The following MAP3K7CL variants were observed in gnomAD, a reference collection of about 807,000 sequenced individuals.
MAP3K7CL encodes MAP3K7 C-terminal like, also known as MAP3K7 C-terminal-like protein.
MAP3K7CL carries 16 observed loss-of-function variants against 18.6 expected under a neutral mutation model. That is an observed-to-expected ratio of 0.86 (90% CI 0.58 to 1.31). The LOEUF is 1.31. MAP3K7CL is among the 50% of genes most tolerant of loss of function. The pLI is 0.00. For synonymous variants in MAP3K7CL, 65 were observed against 66.8 expected (o/e 0.97, Z 0.13); for missense variants, 163 against 174.4 (o/e 0.93, Z 0.37).
In MAP3K7CL at chr21:29,078,198, T is replaced by A. The variant is rs541290310; in HGVS notation, c.-49+485T>A. ...TTGTTTATTTCATGTTACTATATCA[T>A]CTTATGTTTCAGTATTTTTCTGTTG... On this transcript the variant is annotated intron_variant, in intron 1 of 7. Coordinates refer to the MAP3K7CL transcript ENST00000341618. Among the ~76,000 whole-genome samples, 3 of 152,310 alleles carry A rather than the reference T, an allele frequency of 2.0e-5. No individual in the cohort carries two copies. The South Asian group carries it at 6.2e-4, about 32-fold the overall frequency.
At chr21:29,105,713 G>A (rs1051871695) in intron 4 of MAP3K7CL, among the ~76,000 whole-genome samples, 1 of 152,150 alleles carries the variant, frequency 6.6e-6, no homozygotes, top group Admixed American at 6.5e-5. Flanking sequence ...GAAGCTCTGT[G>A]TGGAAGGGGC....
rs1257471584 is a variant in MAP3K7CL at position 29,170,986 on chromosome 21, A to G, written c.249-3726A>G. ...ATATAGGCTTTACTCATTAATGTTTAAAAATAATTACATGAGGAATTTTAC... is the reference window on the plus strand; with the variant it reads ...ATATAGGCTTTACTCATTAATGTTTGAAAATAATTACATGAGGAATTTTAC... On this transcript the variant is annotated intron_variant, in intron 4 of 4. Coordinates refer to ENST00000399928, the MANE Select transcript of MAP3K7CL (RefSeq NM_001286620.2). Among the ~76,000 whole-genome samples, 4 of 151,374 alleles carry G rather than the reference A, an allele frequency of 2.6e-5. No homozygotes were observed. In the East Asian group the frequency reaches 7.7e-4, roughly 29 times the overall value.
chr21:29,111,212 C>T (rs1381088838), intron 4 of MAP3K7CL, among the ~76,000 whole-genome samples: 1 of 152,156 alleles, frequency 6.6e-6, no homozygotes, highest in Non-Finnish European at 1.5e-5. Context: ...GCCGAGATCA[C>T]ACCACTGCAC....
At chr21:29,157,638 T>G (rs1344231165) in intron 3 of MAP3K7CL, among the ~76,000 whole-genome samples, 1 of 152,198 alleles carries the variant, frequency 6.6e-6, no homozygotes, top group Admixed American at 6.5e-5. Flanking sequence ...TCTTGAAATA[T>G]GTACTACCTA....
chr21:29,097,902 A>G (rs1378470554), intron 4 of MAP3K7CL, among the ~76,000 whole-genome samples: 2 of 152,144 alleles, frequency 1.3e-5, no homozygotes, highest in Admixed American at 6.6e-5. Context: ...GTGTGTGGGG[A>G]CAAACTGTAC....
At chr21:29,128,273 G>C (rs1317574149), upstream of MAP3K7CL, 1 of 152,010 alleles carries the variant, frequency 6.6e-6, no homozygotes, top group Non-Finnish European at 1.5e-5. Flanking sequence ...CAAAAGCTGA[G>C]AGTCAGACTT....
At chr21:29,173,660 A>G (rs2087896026) in intron 4 of MAP3K7CL, among the ~76,000 whole-genome samples, 1 of 152,078 alleles carries the variant, frequency 6.6e-6, no homozygotes, top group Non-Finnish European at 1.5e-5. Context: ...TTGGGTTATC[A>G]TGTTTATTAA....
chr21:29,153,984 A>C (rs555767741), intron 3 of MAP3K7CL, among the ~76,000 whole-genome samples: 28 of 152,222 alleles, frequency 1.8e-4, no homozygotes, highest in Non-Finnish European at 3.7e-4. Flanking sequence ...GGTATAGGAC[A>C]TGATAACTAA....
intron 4 of MAP3K7CL, among the ~76,000 whole-genome samples, chr21:29,100,975 G>A (rs2146530007): frequency 6.6e-6 from 1 of 150,834 alleles, no homozygotes; most frequent in Non-Finnish European, 1.5e-5. Flanking sequence ...GCCTCCCAAA[G>A]TGCTGGGATT....
rs539824465 is a variant in MAP3K7CL, at chr21:29,174,985, T to C, written c.*93T>C. On this transcript the variant is annotated 3_prime_UTR_variant, in exon 5 of 5. Coordinates refer to ENST00000399928, the MANE Select transcript of MAP3K7CL (RefSeq NM_001286620.2). ...TTAAATGAATAGTGAGTCAGATCTA[T>C]TGCTTCTCTGTATTACCCACATGAC... The C allele has an allele frequency of 3.5e-5, 45 of 1,271,060 alleles. No homozygotes were observed. The highest frequency in any genetic ancestry group is 4.4e-5 in the Non-Finnish European group (41 of 925,482). 78.7% of individuals were successfully genotyped at this position (1,271,060 alleles called of 1,614,324 possible).
chr21:29,149,174 AT>A lies in MAP3K7CL; in HGVS notation c.71-12del. 6.2e-7 allele frequency: 1 copy of A among 1,612,022 alleles called. No individual in the cohort carries two copies. The highest frequency in any genetic ancestry group is 1.1e-5 in the South Asian group (1 of 91,048). ...GAGCTCCATAGTGAAGAATCATTTT[AT>A]TTCCTTGTTTTAGATGATACACCCC... On this transcript the variant is annotated splice_polypyrimidine_tract_variant and intron_variant, in intron 2 of 4. Transcript: ENST00000399928.
chr21:29,166,368 A>G (rs1439698458), intron 4 of MAP3K7CL, among the ~76,000 whole-genome samples: 3 of 152,216 alleles, frequency 2.0e-5, no homozygotes, highest in Non-Finnish European at 4.4e-5. Flanking sequence ...GTAGTATTCC[A>G]TTGTATAGAT....
upstream of MAP3K7CL, among the ~76,000 whole-genome samples, chr21:29,084,534 T>A (rs900600234): frequency 1.3e-5 from 2 of 152,234 alleles, no homozygotes; most frequent in Non-Finnish European, 2.9e-5. Context: ...ATTACAATGA[T>A]TTCCTCTGGG....
intron 2 of MAP3K7CL, among the ~76,000 whole-genome samples, chr21:29,136,164 ACT>A (rs1016234803): frequency 5.3e-5 from 8 of 152,166 alleles, no homozygotes; most frequent in Non-Finnish European, 1.0e-4. Flanking sequence ...AGGGCCCAGG[ACT>A]CTCTATTTTT....
At chr21:29,159,235 A>G (rs2087481873) in intron 3 of MAP3K7CL, among the ~76,000 whole-genome samples, 1 of 152,044 alleles carries the variant, frequency 6.6e-6, no homozygotes, top group African/African-American at 2.4e-5. Flanking sequence ...CTTGGGGAAA[A>G]CTCGTTCTTT....
chr21:29,160,179 T>A lies in MAP3K7CL; in HGVS notation c.248+123T>A. 6 of 640,754 alleles carry A rather than the reference T, an allele frequency of 9.4e-6. No individual in the cohort carries two copies. The South Asian group carries it at 1.3e-4, about 14-fold the overall frequency. 39.7% of individuals were successfully genotyped at this position (640,754 alleles called of 1,614,324 possible). A position where few individuals can be genotyped will look rare whatever the true frequency, so the allele number is the denominator to read the frequency against. On this transcript the variant is annotated intron_variant, in intron 4 of 4. Transcript: ENST00000399928. ...GGAGGCAAGGGGGTTACAGCAATGA[T>A]TCAAGTGGTGCTATTGGAGATTAAG...
At chr21:29,083,185 T>G (rs1431708753), upstream of MAP3K7CL, among the ~76,000 whole-genome samples, 1 of 152,170 alleles carries the variant, frequency 6.6e-6, no homozygotes, top group Non-Finnish European at 1.5e-5. Context: ...TACACAGAAA[T>G]CTGCCCCCTG....
At chr21:29,090,615 G>A (rs1286130112) in intron 1 of MAP3K7CL, among the ~76,000 whole-genome samples, 7 of 152,086 alleles carry the variant, frequency 4.6e-5, no homozygotes, top group Non-Finnish European at 4.4e-5. Context: ...TCCTGACCTC[G>A]TGATCCGCCT....
In MAP3K7CL at chr21:29,091,764, A is replaced by G. The variant is rs182989054; in HGVS notation, c.227+3A>G. The G allele has an allele frequency of 2.3e-5, 16 of 702,480 alleles. No homozygotes were observed. The East Asian group carries it at 4.0e-4, about 18-fold the overall frequency. The allele number at this position is 702,480 out of a possible 1,614,324, so 43.5% of individuals were successfully genotyped here. On this transcript the variant is annotated splice_donor_region_variant and intron_variant, in intron 3 of 6. Transcript: ENST00000286791. ...TTCTTGAAGTGCTTGGATTACAGGT[A>G]TGAACTACTGCACCTGGCCTGTCCA... is the stretch of plus-strand genomic sequence containing the variant.
Sources: allele counts gnomAD v4.1 joint callset (sites outside exome capture counted in the v4.1 genomes callset), GRCh38; gene constraint gnomAD v4.1.1; transcripts MANE v1.5; gene names NCBI Gene and HGNC (gene_info 2026-07-23, HGNC 2026-07-21).